SMCO2: variants seen among roughly 807,000 people sequenced by gnomAD.
The protein encoded by SMCO2 is single-pass membrane and coiled-coil domain-containing protein 2.
SMCO2 carries 25 observed loss-of-function variants against 29.5 expected under a neutral mutation model. The observed-to-expected ratio is 0.85, with a 90% CI of 0.62 to 1.18. SMCO2 has a LOEUF of 1.18. SMCO2 is among the 50% of genes most tolerant of loss of function. SMCO2 has a pLI of 0.00. For missense variants in SMCO2, 348 were observed against 344.5 expected, an observed-to-expected ratio of 1.01 and a Z score of -0.08; for synonymous variants, 117 against 123.3, an observed-to-expected ratio of 0.95 and a Z score of 0.34.
chr12:27,465,971 G>A (rs893883337), upstream of SMCO2, among the ~76,000 whole-genome samples: 5 of 152,156 alleles, frequency 3.3e-5, no homozygotes, highest in South Asian at 8.3e-4. Flanking sequence ...CATGGGTGCC[G>A]AGTTCACCAA....
chr12:27,481,017 G>A (rs988008752), intron 4 of SMCO2, among the ~76,000 whole-genome samples: 9 of 152,138 alleles, frequency 5.9e-5, no homozygotes, highest in African/African-American at 1.9e-4. Flanking sequence ...TGTTCCCTGG[G>A]TGTAATACAC....
At chr12:27,445,105 C>T in the SMCO2 span, among the ~76,000 whole-genome samples, 15 of 152,114 alleles carry the variant, frequency 9.9e-5, no homozygotes, top group South Asian at 2.1e-4. Context: ...AGACAAATAT[C>T]GTATGTTCTC....
At chr12:27,475,263 C>A (rs948123192) in intron 4 of SMCO2, among the ~76,000 whole-genome samples, 1 of 152,004 alleles carries the variant, frequency 6.6e-6, no homozygotes, top group Non-Finnish European at 1.5e-5. Flanking sequence ...TATTGTATAC[C>A]TCTCCTCCCC....
chr12:27,434,327 G>A, the SMCO2 span, among the ~76,000 whole-genome samples: 2 of 152,148 alleles, frequency 1.3e-5, no homozygotes, highest in African/African-American at 4.8e-5. Context: ...TCCGAGACAC[G>A]CTACTGTTAG....
the SMCO2 span, among the ~76,000 whole-genome samples, chr12:27,436,777 A>G: frequency 6.6e-6 from 1 of 152,206 alleles, no homozygotes. Context: ...TAAGGTGGTA[A>G]GATAGTGCCC....
the SMCO2 span, among the ~76,000 whole-genome samples, chr12:27,454,110 G>A: frequency 3.9e-5 from 6 of 152,036 alleles, no homozygotes; most frequent in Admixed American, 1.3e-4. Context: ...TCAGCTTCCC[G>A]AGTAGCTGGG....
intron 4 of SMCO2, among the ~76,000 whole-genome samples, chr12:27,485,450 G>GCTTTTTTTTTTTTTTTTT (rs1484918113): frequency 7.6e-6 from 1 of 132,046 alleles, no homozygotes; most frequent in African/African-American, 2.8e-5. Flanking sequence ...ATTTTTTTAA[G>GCTTTTTTTTTTTTTTTTT]TTTTTTTTTT....
At chr12:27,469,069 T>G (rs1337482790) in intron 1 of SMCO2, among the ~76,000 whole-genome samples, 2 of 152,164 alleles carry the variant, frequency 1.3e-5, no homozygotes, top group African/African-American at 4.8e-5. Flanking sequence ...ATTATCAGAA[T>G]AAGGAAATTT....
At chr12:27,477,634 C>CTTTTTTTTTTTTTTTTTTTTTTTTTT (rs3051833) in intron 4 of SMCO2, among the ~76,000 whole-genome samples, 2 of 109,654 alleles carry the variant, frequency 1.8e-5, no homozygotes, top group African/African-American at 7.6e-5. Flanking sequence ...CTTTTTCATT[C>CTTTTTTTTTTTTTTTTTTTTTTTTTT]TTTTTTTTTT....
chr12:27,461,808 C>A, the SMCO2 span, among the ~76,000 whole-genome samples: 1,835 of 152,296 alleles, frequency 0.012, 39 homozygotes, highest in African/African-American at 0.042. Flanking sequence ...TCTTTCTTCC[C>A]TCTTCTTCAT....
At chr12:27,496,716 C>A (rs1323301261) in intron 7 of SMCO2, among the ~76,000 whole-genome samples, 3 of 150,786 alleles carry the variant, frequency 2.0e-5, no homozygotes, top group South Asian at 4.2e-4. Flanking sequence ...AAGTCCTTTG[C>A]CCATTTTAAA....
chr12:27,494,837 TG>T lies in SMCO2; in HGVS notation c.507+482del, dbSNP rs1942978839. On this transcript the variant is annotated intron_variant, in intron 6 of 7. Coordinates refer to ENST00000298876, the Ensembl canonical transcript of SMCO2. The stretch of plus-strand genomic sequence containing the variant: ...GCCTTCCTCCTTCCCTTTGGCCTTC[TG>T]CTTGGGCCAACAGAACATTCACAAT... Among the ~76,000 whole-genome samples, 4 of 152,068 alleles carry T rather than the reference TG, an allele frequency of 2.6e-5. No individual in the cohort carries two copies. In the South Asian group the frequency reaches 8.3e-4, roughly 32 times the overall value.
chr12:27,487,427 G>A (rs931127945), intron 4 of SMCO2, among the ~76,000 whole-genome samples: 5 of 152,006 alleles, frequency 3.3e-5, no homozygotes, highest in African/African-American at 1.2e-4. Context: ...TTGCTGAGTA[G>A]TCTTCCATGA....
exon 8 of SMCO2, chr12:27,502,022 G>A (rs1943085504): frequency 2.6e-6 from 4 of 1,547,882 alleles, no homozygotes; most frequent in African/African-American, 2.8e-5. Flanking sequence ...TCTTTGAAAG[G>A]GTGCTTCTGA....
the SMCO2 span, chr12:27,424,506 A>G: frequency 0.17 from 25,343 of 152,248 alleles, 2,512 homozygotes; most frequent in African/African-American, 0.28. Context: ...GGAATTTAAA[A>G]GAAAGTGTTT....
At chr12:27,490,577 T>C (rs1304947184) in intron 5 of SMCO2, among the ~76,000 whole-genome samples, 1 of 152,170 alleles carries the variant, frequency 6.6e-6, no homozygotes, top group African/African-American at 2.4e-5. Flanking sequence ...AAGCCTACAG[T>C]CTGATAGAAA....
Position 27,495,806 on chromosome 12 carries a change from G to A in SMCO2, c.634G>A (p.Ala212Thr), listed in dbSNP as rs897049322. 11 of 1,534,470 alleles carry A rather than the reference G, an allele frequency of 7.2e-6. 2 individuals carry two copies. The African/African-American group carries it at 1.5e-4, about 22-fold the overall frequency. Residue 212 changes from alanine (A) to threonine (T), a missense_variant, in exon 7 of 8, where the codon GCC becomes ACC. Physicochemically the swap from Ala to Thr is moderately conservative, Grantham distance 58 (BLOSUM62 0). Coordinates refer to ENST00000298876, the Ensembl canonical transcript of SMCO2. ...AGAGATGGAGGCCCTGCTTCCTCAGGCCCCAGCATCCTTTTTAGTGCAGAA... is the reference window on the plus strand; with the variant it reads ...AGAGATGGAGGCCCTGCTTCCTCAGACCCCAGCATCCTTTTTAGTGCAGAA...
At chr12:27,448,648 G>T in the SMCO2 span, among the ~76,000 whole-genome samples, 1 of 152,244 alleles carries the variant, frequency 6.6e-6, no homozygotes, top group South Asian at 2.1e-4. Flanking sequence ...CTAAACAAAA[G>T]TAAACAAGGG....
rs1555175554 is a variant in SMCO2 at position 27,495,212 on chromosome 12, T to TGTAATTACACAGAAGTTGATTGA, written c.508-468_508-467insGTAATTACACAGAAGTTGATTGA. ...TCTCCGTTCCCACACCCTATTTGTT[T>TGTAATTACACAGAAGTTGATTGA]TCTCTTTAGTGTGTATCTTAACATG... On this transcript the variant is annotated intron_variant, in intron 6 of 7. Coordinates refer to ENST00000298876, the Ensembl canonical transcript of SMCO2. Among the ~76,000 whole-genome samples, 126 of 151,340 alleles carry TGTAATTACACAGAAGTTGATTGA rather than the reference T, an allele frequency of 8.3e-4. 2 individuals carry two copies. The highest frequency in any genetic ancestry group is 6.8e-3 in the Middle Eastern group (2 of 292).
Sources: gnomAD v4.1 joint callset for allele counts (sites outside exome capture counted in the v4.1 genomes callset) on GRCh38, gnomAD v4.1.1 for gene constraint, MANE v1.5 for transcripts, NCBI Gene and HGNC (gene_info 2026-07-23, HGNC 2026-07-21) for gene names.